SNTG1: variants seen among roughly 807,000 people sequenced by gnomAD.
The protein encoded by SNTG1 is syntrophin gamma 1.
SNTG1 carries 39 observed loss-of-function variants against 74.7 expected under a neutral mutation model. The observed-to-expected ratio is 0.52, with a 90% CI of 0.40 to 0.68. SNTG1 has a LOEUF of 0.68. Among genes scored for constraint, SNTG1 ranks in the 30% least tolerant of loss-of-function variants. The pLI is 0.00. For missense variants in SNTG1, 685 were observed against 609.5 expected (o/e 1.12, Z -1.30); for synonymous variants, 254 against 217.1 (o/e 1.17, Z -1.49).
intron 2 of SNTG1, among the ~76,000 whole-genome samples, chr8:50,214,936 A>G (rs1259986406): frequency 1.3e-5 from 2 of 152,198 alleles, no homozygotes; most frequent in Non-Finnish European, 2.9e-5. Flanking sequence ...GGATGTCTCA[A>G]AGAGACCTCA....
At chr8:50,349,094 T>C (rs1563927615) in intron 2 of SNTG1, among the ~76,000 whole-genome samples, 1 of 152,252 alleles carries the variant, frequency 6.6e-6, no homozygotes, top group Non-Finnish European at 1.5e-5. Flanking sequence ...TCAATGGACG[T>C]ACTATTTGTC....
At chr8:50,379,358 G>A (rs561214558) in intron 2 of SNTG1, among the ~76,000 whole-genome samples, 3 of 152,306 alleles carry the variant, frequency 2.0e-5, no homozygotes, top group African/African-American at 7.2e-5. Flanking sequence ...GAGATGCCTT[G>A]GTTTACAGCC....
At chr8:50,240,605 G>A (rs1175657666) in intron 2 of SNTG1, among the ~76,000 whole-genome samples, 1 of 152,130 alleles carries the variant, frequency 6.6e-6, no homozygotes, top group Non-Finnish European at 1.5e-5. Flanking sequence ...TAGCAGGAGA[G>A]GCGGGAAACA....
intron 17 of SNTG1, among the ~76,000 whole-genome samples, chr8:50,721,618 G>C (rs575485038): frequency 6.6e-6 from 1 of 152,278 alleles, no homozygotes; most frequent in African/African-American, 2.4e-5. Flanking sequence ...TTCAATAAAT[G>C]AGTCTGATGT....
At chr8:50,169,838 G>C (rs2082743303) in intron 1 of SNTG1, among the ~76,000 whole-genome samples, 1 of 152,158 alleles carries the variant, frequency 6.6e-6, no homozygotes, top group Admixed American at 6.6e-5. Flanking sequence ...CTACTTGGGT[G>C]GTTAAGGCAG....
In SNTG1 at chr8:50,620,335, C is replaced by T. The variant is rs61094671; in HGVS notation, c.849+29418C>T. On this transcript the variant is annotated intron_variant, in intron 13 of 18. Coordinates refer to ENST00000642720, the MANE Select transcript of SNTG1 (RefSeq NM_018967.5). ...CTCTGATGGATTCTTCTGCTTTCCTCTCCCGCTGTGAAGGGTCTATGTGAT... is the reference window on the plus strand; with the variant it reads ...CTCTGATGGATTCTTCTGCTTTCCTTTCCCGCTGTGAAGGGTCTATGTGAT... Among the ~76,000 whole-genome samples the T allele has an allele frequency of 4.9e-3, 745 of 152,274 alleles. 6 individuals carry two copies. The highest frequency in any genetic ancestry group is 0.017 in the African/African-American group (699 of 41,542).
At chr8:50,774,462 T>G (rs1276213790) in intron 18 of SNTG1, among the ~76,000 whole-genome samples, 2 of 151,786 alleles carry the variant, frequency 1.3e-5, no homozygotes, top group Non-Finnish European at 2.9e-5. Context: ...ATTTAAGTGA[T>G]GAAACAAAAA....
chr8:50,586,524 A>G (rs1320671865), intron 12 of SNTG1, among the ~76,000 whole-genome samples: 1 of 152,054 alleles, frequency 6.6e-6, no homozygotes, highest in African/African-American at 2.4e-5. Flanking sequence ...TCCTTATGCC[A>G]TTGTCTCTGC....
chr8:49,914,370 A>G (rs924666729), intron 1 of SNTG1, among the ~76,000 whole-genome samples: 36 of 152,102 alleles, frequency 2.4e-4, no homozygotes. Flanking sequence ...TTAAAAAAAA[A>G]AAAAAAGTTT....
chr8:50,490,597 G>T (rs1321422009), intron 8 of SNTG1, among the ~76,000 whole-genome samples: 1 of 152,218 alleles, frequency 6.6e-6, no homozygotes, highest in Non-Finnish European at 1.5e-5. Flanking sequence ...GAATGCTTGT[G>T]AAGTCAATAT....
intron 2 of SNTG1, among the ~76,000 whole-genome samples, chr8:50,212,280 G>A (rs2084558570): frequency 6.6e-6 from 1 of 152,104 alleles, no homozygotes; most frequent in African/African-American, 2.4e-5. Flanking sequence ...GTTCCAGATA[G>A]GGGTCCATTT....
chr8:50,528,731 C>G (rs547654016), intron 9 of SNTG1, among the ~76,000 whole-genome samples: 34 of 151,794 alleles, frequency 2.2e-4, no homozygotes, highest in Middle Eastern at 3.4e-3. Flanking sequence ...CTTTTAACAT[C>G]CGTTAGCTCT....
At chr8:49,989,213 A>T (rs1330959528) in intron 1 of SNTG1, among the ~76,000 whole-genome samples, 1 of 152,020 alleles carries the variant, frequency 6.6e-6, no homozygotes, top group Admixed American at 6.5e-5. Context: ...AGCTGGAATG[A>T]CCATTTAAAA....
intron 1 of SNTG1, among the ~76,000 whole-genome samples, chr8:49,989,038 C>G (rs1011136592): frequency 6.6e-6 from 1 of 151,876 alleles, no homozygotes; most frequent in African/African-American, 2.4e-5. Context: ...TTATAGAGAG[C>G]ATGCCTATGT....
At chr8:50,597,075 C>T (rs1171522160) in intron 13 of SNTG1, among the ~76,000 whole-genome samples, 1 of 151,802 alleles carries the variant, frequency 6.6e-6, no homozygotes, top group Non-Finnish European at 1.5e-5. Flanking sequence ...CCTCACTCTT[C>T]CCCTCCCTAG....
chr8:50,563,021 A>G (rs1329561612), intron 12 of SNTG1, among the ~76,000 whole-genome samples: 7 of 152,296 alleles, frequency 4.6e-5, no homozygotes, highest in African/African-American at 1.7e-4. Context: ...AAGCTTTCAA[A>G]TATCACAGGA....
At chr8:50,410,420 T>A (rs1199855395) in intron 4 of SNTG1, among the ~76,000 whole-genome samples, 1 of 152,226 alleles carries the variant, frequency 6.6e-6, no homozygotes, top group Non-Finnish European at 1.5e-5. Context: ...TGTATGCCAA[T>A]GTTATCATTT....
At chr8:50,477,327 T>C (rs2093704753) in intron 8 of SNTG1, among the ~76,000 whole-genome samples, 1 of 152,148 alleles carries the variant, frequency 6.6e-6, no homozygotes, top group Non-Finnish European at 1.5e-5. Flanking sequence ...CAATAGCATG[T>C]ACACTTGATG....
intron 8 of SNTG1, among the ~76,000 whole-genome samples, chr8:50,454,579 C>G (rs189224592): frequency 6.7e-6 from 1 of 149,432 alleles, no homozygotes; most frequent in Non-Finnish European, 1.5e-5. Context: ...TGGTGGCTCA[C>G]GCCTGTAATC....
Sources: allele counts gnomAD v4.1 joint callset (sites outside exome capture counted in the v4.1 genomes callset), GRCh38; gene constraint gnomAD v4.1.1; transcripts MANE v1.5; gene names NCBI Gene and HGNC (gene_info 2026-07-23, HGNC 2026-07-21).